Variants in SLC24A2 observed in about 807,000 individuals in gnomAD.
The protein encoded by SLC24A2 is solute carrier family 24 member 2.
Under a neutral mutation model 62.0 loss-of-function variants are expected in SLC24A2, and 36 were observed. The observed-to-expected ratio is 0.58, with a 90% confidence interval of 0.44 to 0.77. The LOEUF (loss-of-function observed/expected upper bound fraction) is 0.77. Among genes scored for constraint, SLC24A2 ranks in the 30% least tolerant of loss-of-function variants. The probability of loss-of-function intolerance (pLI) is 0.00; values close to 1 mark genes in which losing one functional copy is unlikely to be tolerated. For missense variants in SLC24A2, 846 were observed against 817.9 expected (o/e 1.03, Z -0.42); for synonymous variants, 358 against 294.0 (o/e 1.22, Z -2.23).
the SLC24A2 span, among the ~76,000 whole-genome samples, chr9:19,888,297 C>T: frequency 3.4e-4 from 52 of 152,218 alleles, no homozygotes; most frequent in African/African-American, 1.2e-3. Flanking sequence ...ATGACTTGAA[C>T]GATCTTCTCA....
the SLC24A2 span, among the ~76,000 whole-genome samples, chr9:19,959,768 C>G: frequency 6.6e-6 from 1 of 152,170 alleles, no homozygotes; most frequent in Non-Finnish European, 1.5e-5. Flanking sequence ...ATTGCTGGTA[C>G]TCACTGAATG....
At chr9:19,569,218 T>C (rs1196268840) in intron 7 of SLC24A2, among the ~76,000 whole-genome samples, 1 of 152,144 alleles carries the variant, frequency 6.6e-6, no homozygotes, top group Admixed American at 6.5e-5. Context: ...AAAAAAAGCT[T>C]TAGAAATGTA....
At chr9:19,987,175 G>C in the SLC24A2 span, among the ~76,000 whole-genome samples, 1 of 152,190 alleles carries the variant, frequency 6.6e-6, no homozygotes, top group East Asian at 1.9e-4. Context: ...GAGTGTGGGG[G>C]ACAACGAGTT....
chr9:19,573,513 C>G (rs778943275), intron 6 of SLC24A2, 44 bp from the exon 7 acceptor site: 12,759 of 196,402 alleles, frequency 0.065, 213 homozygotes, highest in African/African-American at 0.1. Context: ...CACACACACA[C>G]ACACACACAC....
the SLC24A2 span, among the ~76,000 whole-genome samples, chr9:19,977,303 A>C: frequency 1.3e-5 from 2 of 152,214 alleles, no homozygotes; most frequent in Non-Finnish European, 2.9e-5. Context: ...TAAAATGCAC[A>C]GACATTTCAA....
chr9:19,934,511 C>A, the SLC24A2 span, among the ~76,000 whole-genome samples: 2 of 152,182 alleles, frequency 1.3e-5, no homozygotes, highest in Non-Finnish European at 2.9e-5. The surrounding 1 kb of genome is among the most constrained non-coding windows in gnomAD (Gnocchi z 4.1). Flanking sequence ...CCCGCGCACC[C>A]CCGTTCCGGC....
At chr9:19,785,695 A>G (rs1823143414) in intron 2 of SLC24A2, among the ~76,000 whole-genome samples, 1 of 152,234 alleles carries the variant, frequency 6.6e-6, no homozygotes, top group Non-Finnish European at 1.5e-5. Context: ...TATGTAACCT[A>G]TATTTACAAG....
intron 4 of SLC24A2, among the ~76,000 whole-genome samples, chr9:19,616,003 C>CACACACAA (rs1198152633): frequency 1.6e-5 from 2 of 124,544 alleles, no homozygotes. Flanking sequence ...TGCACACACA[C>CACACACAA]ACACACACAC....
chr9:19,895,759 T>A, the SLC24A2 span: 2 of 1,539,076 alleles, frequency 1.3e-6, no homozygotes, highest in Non-Finnish European at 1.8e-6. Context: ...GGCGGCCCAG[T>A]CCCACCCTCC....
intron 10 of SLC24A2, among the ~76,000 whole-genome samples, 171 bp from the exon 11 acceptor site, chr9:19,516,573 A>G (rs1414552524): frequency 6.6e-6 from 1 of 152,238 alleles, no homozygotes. Context: ...AAACCACTTT[A>G]TAAGGAAATA....
the SLC24A2 span, among the ~76,000 whole-genome samples, chr9:20,060,037 C>T: frequency 3.3e-5 from 5 of 151,958 alleles, no homozygotes; most frequent in African/African-American, 9.7e-5. Flanking sequence ...TGTAAATGAA[C>T]AAGTTGGATA....
At chr9:19,855,175 A>T in the SLC24A2 span, among the ~76,000 whole-genome samples, 1 of 152,084 alleles carries the variant, frequency 6.6e-6, no homozygotes, top group East Asian at 1.9e-4. Context: ...TTTTGAGCCT[A>T]TGGGTGTCTT....
Position 19,520,602 on chromosome 9 carries a change from C to T in SLC24A2, c.1736+292G>A, listed in dbSNP as rs1404698265. Among the ~76,000 whole-genome samples the T allele has an allele frequency of 2.6e-5, 4 of 151,996 alleles. No individual in the cohort carries two copies. Among genetic ancestry groups the T allele is most frequent in the Admixed American group, 2.6e-4 (4 of 15,244 alleles). Reference sequence around the variant, plus strand: ...ATGAAGCTATCACGGTATCTCAGTTCCACTTGAATGTTGTTATATAAGTGA... The same window carrying T: ...ATGAAGCTATCACGGTATCTCAGTTTCACTTGAATGTTGTTATATAAGTGA... On this transcript the variant is annotated intron_variant, in intron 10 of 10. Transcript: ENST00000341998.
At chr9:19,914,231 C>G in the SLC24A2 span, among the ~76,000 whole-genome samples, 1 of 152,078 alleles carries the variant, frequency 6.6e-6, no homozygotes, top group Non-Finnish European at 1.5e-5. Flanking sequence ...CACCTCCTGT[C>G]AGATCTACCT....
the SLC24A2 span, among the ~76,000 whole-genome samples, chr9:19,810,171 T>G: frequency 0.026 from 3,944 of 151,924 alleles, 48 homozygotes; most frequent in Middle Eastern, 0.037. Flanking sequence ...TTCCAGGGAT[T>G]AGTGAGGGTA....
At chr9:20,060,817 C>T in the SLC24A2 span, among the ~76,000 whole-genome samples, 1 of 152,064 alleles carries the variant, frequency 6.6e-6, no homozygotes, top group African/African-American at 2.4e-5. Flanking sequence ...CAATGTGGAG[C>T]TACTATAACG....
At chr9:20,019,372 G>A in the SLC24A2 span, among the ~76,000 whole-genome samples, 5 of 152,044 alleles carry the variant, frequency 3.3e-5, no homozygotes, top group Admixed American at 1.3e-4. Flanking sequence ...TATAAGGAAG[G>A]GGTCCAGTTT....
chr9:19,681,172 CA>C (rs766027155), intron 2 of SLC24A2, among the ~76,000 whole-genome samples: 9 of 152,096 alleles, frequency 5.9e-5, no homozygotes, highest in Non-Finnish European at 1.3e-4. Context: ...TCTCTGACCT[CA>C]CCTGCCTTGC....
At chr9:19,833,705 G>C in the SLC24A2 span, among the ~76,000 whole-genome samples, 14 of 152,238 alleles carry the variant, frequency 9.2e-5, no homozygotes, top group Non-Finnish European at 1.3e-4. Flanking sequence ...AAATGTCCCT[G>C]TGTGACAGCT....
Sources: gnomAD v4.1 joint callset for allele counts (sites outside exome capture counted in the v4.1 genomes callset) on GRCh38, gnomAD v4.1.1 for gene constraint, Gnocchi (gnomAD v3.1) non-coding constraint, MANE v1.5 for transcripts, NCBI Gene and HGNC (gene_info 2026-07-23, HGNC 2026-07-21) for gene names.